The following CYRIB variants were observed in gnomAD, a reference collection of about 807,000 sequenced individuals.
The protein encoded by CYRIB is CYFIP related Rac1 interactor B, also known as CYFIP-related Rac1 interactor B.
A neutral mutation model predicts 44.2 loss-of-function variants in CYRIB; 8 were observed. That is an observed-to-expected ratio of 0.18 (90% confidence interval 0.11 to 0.33). The LOEUF (loss-of-function observed/expected upper bound fraction) is 0.33. Ranked by LOEUF, CYRIB falls within the 10% of genes least tolerant of loss-of-function variation. CYRIB has a pLI of 1.00. For missense variants in CYRIB, 185 were observed against 382.8 expected (o/e 0.48, Z 4.31); for synonymous variants, 131 against 127.2 (o/e 1.03, Z -0.20).
intron 7 of CYRIB, among the ~76,000 whole-genome samples, chr8:129,853,107 G>A (rs971073002): frequency 6.6e-6 from 1 of 152,078 alleles, no homozygotes; most frequent in Non-Finnish European, 1.5e-5. Flanking sequence ...AAGGGGGATG[G>A]AGAAGACATT....
At chr8:129,935,155 A>T (rs1353947421) in intron 1 of CYRIB, among the ~76,000 whole-genome samples, 1 of 152,224 alleles carries the variant, frequency 6.6e-6, no homozygotes, top group African/African-American at 2.4e-5. Flanking sequence ...TCACATTATG[A>T]CATCCGGGAC....
At chr8:129,949,083 A>G (rs2094354658) in intron 2 of CYRIB, 2 of 152,174 alleles carry the variant, frequency 1.3e-5, no homozygotes, top group South Asian at 4.1e-4. Context: ...TCAAAAGAAA[A>G]GAAAAAGAGA....
chr8:129,995,056 C>T (rs2096736382), intron 1 of CYRIB, among the ~76,000 whole-genome samples: 1 of 152,214 alleles, frequency 6.6e-6, no homozygotes, highest in South Asian at 2.1e-4. Flanking sequence ...CTCTGCCTCC[C>T]TCCAAGACTT....
In CYRIB at chr8:129,842,106, G is replaced by A. The variant is rs767972456; in HGVS notation, c.*36C>T. 4 of 1,507,678 alleles carry A rather than the reference G, an allele frequency of 2.7e-6. No individual in the cohort carries two copies. The Admixed American group carries it at 6.9e-5, about 26-fold the overall frequency. 93.4% of individuals were successfully genotyped at this position (1,507,678 alleles called of 1,614,324 possible). A position where few individuals can be genotyped will look rare whatever the true frequency, so the allele number is the denominator to read the frequency against. On this transcript the variant is annotated 3_prime_UTR_variant, in exon 12 of 12. Transcript: ENST00000519824. ...GCATTCTCAGTCATTGCAGAATACTGTCTTCTGTCTACAGCAGGTGCTTAT... is the reference window on the plus strand; with the variant it reads ...GCATTCTCAGTCATTGCAGAATACTATCTTCTGTCTACAGCAGGTGCTTAT...
chr8:130,010,747 C>T (rs1272049286), intron 1 of CYRIB, among the ~76,000 whole-genome samples: 1 of 152,122 alleles, frequency 6.6e-6, no homozygotes, highest in Non-Finnish European at 1.5e-5. Context: ...TGGAAACCTC[C>T]AGGGTCATGT....
intron 2 of CYRIB, among the ~76,000 whole-genome samples, chr8:129,888,764 G>A (rs2063808466): frequency 6.6e-6 from 1 of 152,086 alleles, no homozygotes; most frequent in Non-Finnish European, 1.5e-5. Context: ...GATGTAGTTG[G>A]TATTCATTAA....
At chr8:129,916,141 C>T (rs1014768252) in intron 1 of CYRIB, among the ~76,000 whole-genome samples, 2 of 152,148 alleles carry the variant, frequency 1.3e-5, no homozygotes, top group African/African-American at 4.8e-5. Context: ...TTCTATTCTA[C>T]TTTCTTCTGA....
intron 1 of CYRIB, among the ~76,000 whole-genome samples, chr8:130,016,108 G>C (rs979606309): frequency 2.0e-5 from 3 of 148,750 alleles, no homozygotes; most frequent in African/African-American, 7.3e-5. Context: ...CGCTCCCCTC[G>C]CGTCCGCCCG....
intron 2 of CYRIB, among the ~76,000 whole-genome samples, chr8:129,883,449 A>G (rs1470787543): frequency 6.6e-6 from 1 of 152,196 alleles, no homozygotes; most frequent in East Asian, 1.9e-4. Flanking sequence ...TAGGCAGCTC[A>G]TATCACAATG....
intron 1 of CYRIB, among the ~76,000 whole-genome samples, chr8:130,004,270 T>G (rs2096979481): frequency 6.6e-6 from 1 of 152,186 alleles, no homozygotes; most frequent in South Asian, 2.1e-4. Context: ...CCTCATTTTC[T>G]TTTTTATTTT....
intron 11 of CYRIB, 117 bp downstream of exon 13, chr8:129,846,687 C>G: frequency 1.5e-6 from 1 of 665,142 alleles, no homozygotes; most frequent in South Asian, 1.9e-5. Flanking sequence ...CTTCATATTT[C>G]TAGCTTGAAC....
At chr8:129,996,056 T>C (rs1400374831) in intron 1 of CYRIB, among the ~76,000 whole-genome samples, 1 of 152,174 alleles carries the variant, frequency 6.6e-6, no homozygotes, top group African/African-American at 2.4e-5. Flanking sequence ...TCCACAATCA[T>C]AATACCAGCG....
Position 129,861,828 on chromosome 8 carries a change from C to A in CYRIB, c.301+401G>T, listed in dbSNP as rs142379102. The stretch of plus-strand genomic sequence containing the variant: ...AATTTCAAGAAAACCTCTTTGATTT[C>A]TTTGGATGCTAAAGGGTCCTATTAT... On this transcript the variant is annotated intron_variant, in intron 5 of 11. Coordinates refer to ENST00000519824, the Ensembl canonical transcript of CYRIB. Among the ~76,000 whole-genome samples, 563 of 152,212 alleles carry A rather than the reference C, an allele frequency of 3.7e-3. 3 individuals are homozygous for A. The highest frequency in any genetic ancestry group is 0.012 in the African/African-American group (485 of 41,526).
chr8:129,848,762 G>T (rs1277409306), intron 10 of CYRIB, among the ~76,000 whole-genome samples: 1 of 150,980 alleles, frequency 6.6e-6, no homozygotes, highest in Non-Finnish European at 1.5e-5. Flanking sequence ...GTAGAAATGG[G>T]GGTCTCACTA....
chr8:129,987,910 C>G (rs62524593), intron 1 of CYRIB, among the ~76,000 whole-genome samples: 52,568 of 152,046 alleles, frequency 0.35, 9,515 homozygotes, highest in African/African-American at 0.44. Flanking sequence ...CTGGCTCCCA[C>G]GGCCTACAGA....
chr8:129,920,803 T>A (rs571085455), intron 1 of CYRIB, among the ~76,000 whole-genome samples: 35 of 152,312 alleles, frequency 2.3e-4, no homozygotes, highest in African/African-American at 8.4e-4. Flanking sequence ...TTCCACCAAA[T>A]GTAGGAGCAC....
At chr8:129,980,920 G>T (rs1206321409) in intron 1 of CYRIB, among the ~76,000 whole-genome samples, 1 of 151,796 alleles carries the variant, frequency 6.6e-6, no homozygotes, top group African/African-American at 2.4e-5. Context: ...AGGGGTGGAG[G>T]CTGCAGTGAG....
intron 2 of CYRIB, among the ~76,000 whole-genome samples, chr8:129,953,882 C>A (rs903594610): frequency 2.6e-5 from 4 of 152,112 alleles, no homozygotes; most frequent in African/African-American, 9.7e-5. Flanking sequence ...GAGATTTAGA[C>A]AGAATGACAG....
chr8:129,872,020 C>A (rs1239758512), intron 3 of CYRIB, among the ~76,000 whole-genome samples: 1 of 152,016 alleles, frequency 6.6e-6, no homozygotes, highest in Non-Finnish European at 1.5e-5. Flanking sequence ...TAGGTGCTCA[C>A]CCCCTTTTCC....
Sources: allele counts gnomAD v4.1 joint callset (sites outside exome capture counted in the v4.1 genomes callset), GRCh38; gene constraint gnomAD v4.1.1; transcripts MANE v1.5; gene names NCBI Gene and HGNC (gene_info 2026-07-23, HGNC 2026-07-21).